The following PCDHGB5 variants were observed in gnomAD, a reference collection of about 807,000 sequenced individuals.
PCDHGB5 encodes protocadherin gamma subfamily B, 5.
PCDHGB5 carries 48 observed loss-of-function variants against 62.9 expected under a neutral mutation model. That is an observed-to-expected ratio of 0.76 (90% CI 0.61 to 0.97). The LOEUF (loss-of-function observed/expected upper bound fraction) is 0.97, where lower values mean the gene tolerates loss of function less well. PCDHGB5 is among the 50% of genes least tolerant of loss of function. The probability of loss-of-function intolerance (pLI) is 0.00; values close to 1 mark genes in which losing one functional copy is unlikely to be tolerated. For missense variants in PCDHGB5, 1,118 were observed against 1,198.6 expected, an observed-to-expected ratio of 0.93 and a Z score of 0.99; for synonymous variants, 474 against 511.2, an observed-to-expected ratio of 0.93 and a Z score of 0.98.
chr5:141,421,424 G>T lies in PCDHGB5; in HGVS notation c.2397+20900G>T, dbSNP rs369037131. 2.2e-5 allele frequency: 35 copies of T among 1,613,974 alleles called. No individual in the cohort carries two copies. The African/African-American group carries it at 3.9e-4, about 18-fold the overall frequency. ...CGGGAGCTGGCGAAGCGCGGAGTCC[G>T]CATCGTCTCCAGAGGGAAGACACAG... is the stretch of plus-strand genomic sequence containing the variant. On this transcript the variant is annotated intron_variant, in intron 1 of 3. Transcript: ENST00000617380.
At chr5:141,419,878 G>A in intron 1 of PCDHGB5, 2 of 1,614,060 alleles carry the variant, frequency 1.2e-6, no homozygotes, top group Non-Finnish European at 1.7e-6. Context: ...AGGTACTGCC[G>A]GATTTCAGCG....
intron 1 of PCDHGB5, chr5:141,412,700 G>C (rs537095191): frequency 6.6e-6 from 1 of 152,574 alleles, no homozygotes; most frequent in South Asian, 2.1e-4. Flanking sequence ...TTTTATTAAA[G>C]TGTGTACATT....
chr5:141,433,582 T>TCCCA (rs758953161), intron 1 of PCDHGB5, among the ~76,000 whole-genome samples: 4 of 151,942 alleles, frequency 2.6e-5, no homozygotes, highest in Non-Finnish European at 5.9e-5. Flanking sequence ...ACGCCTGTAA[T>TCCCA]CCCAGTACTT....
intron 1 of PCDHGB5, among the ~76,000 whole-genome samples, chr5:141,484,072 G>A (rs2099591675): frequency 6.6e-6 from 1 of 152,258 alleles, no homozygotes; most frequent in Admixed American, 6.5e-5. Flanking sequence ...TGAAAAGCTT[G>A]CTCTTTTGAA....
chr5:141,425,979 A>T lies in PCDHGB5; in HGVS notation c.2397+25455A>T, dbSNP rs114212354. ...GTCCAACACATCAGTCTAATTCTGA[A>T]TCCCATTGAATTAGCAAAGGCTTCC... On this transcript the variant is annotated intron_variant, in intron 1 of 3. Coordinates refer to ENST00000617380, the MANE Select transcript of PCDHGB5 (RefSeq NM_018925.3). Among the ~76,000 whole-genome samples, 592 of 152,328 alleles carry T rather than the reference A, an allele frequency of 3.9e-3. 5 individuals carry two copies. Among genetic ancestry groups the T allele is most frequent in the African/African-American group, 0.014 (563 of 41,580 alleles).
chr5:141,476,770 C>T lies in PCDHGB5; in HGVS notation c.2398-18037C>T, dbSNP rs1452363016. 6.2e-7 allele frequency: 1 copy of T among 1,613,568 alleles called. No homozygotes were observed. The highest frequency in any genetic ancestry group is 8.5e-7 in the Non-Finnish European group (1 of 1,180,020). ...TCCAGTTAGTGCTGACGGCGTTGGA[C>T]GGAGGGACCCCAGCTCTCTCCGCCA... On this transcript the variant is annotated intron_variant, in intron 1 of 3. Coordinates refer to ENST00000617380, the MANE Select transcript of PCDHGB5 (RefSeq NM_018925.3). This position sits in a 1 kb window ranked among gnomAD's most constrained non-coding sequence, Gnocchi z 7.6.
intron 1 of PCDHGB5, chr5:141,410,489 G>T (rs1233643247): frequency 1.9e-6 from 3 of 1,613,854 alleles, no homozygotes; most frequent in Non-Finnish European, 1.7e-6. Context: ...GGGTACAAAA[G>T]AGTTTAATTT....
In PCDHGB5 at chr5:141,486,697, C is replaced by T. The variant is rs146956400; in HGVS notation, c.2398-8110C>T. 89 of 1,614,058 alleles carry T rather than the reference C, an allele frequency of 5.5e-5. No homozygotes were observed. Among genetic ancestry groups the T allele is most frequent in the Non-Finnish European group, 7.4e-5 (87 of 1,180,040 alleles). ...GAGATGTATCAGCTTCCTCTTTCAT[C>T]TCTCTGAACCCCCAGACAGGAGCTG... On this transcript the variant is annotated intron_variant, in intron 1 of 3. Coordinates refer to ENST00000617380, the MANE Select transcript of PCDHGB5 (RefSeq NM_018925.3). The surrounding 1 kb of genome is among the most constrained non-coding windows in gnomAD (Gnocchi z 5.0).
chr5:141,445,388 A>G (rs2098465525), intron 1 of PCDHGB5, among the ~76,000 whole-genome samples: 2 of 152,212 alleles, frequency 1.3e-5, no homozygotes, highest in African/African-American at 4.8e-5. Flanking sequence ...TCATTCATTT[A>G]CATAACAAAT....
chr5:141,464,419 A>G (rs2099083824), intron 1 of PCDHGB5, among the ~76,000 whole-genome samples: 1 of 151,768 alleles, frequency 6.6e-6, no homozygotes, highest in South Asian at 2.1e-4. Context: ...ATATATCTAT[A>G]TATATAGATA....
chr5:141,448,915 A>T (rs2098616551), intron 1 of PCDHGB5, among the ~76,000 whole-genome samples: 1 of 152,238 alleles, frequency 6.6e-6, no homozygotes. Context: ...ACTGCACTCC[A>T]GCCTGGGCGA....
At chr5:141,480,059 T>G (rs1169389701) in intron 1 of PCDHGB5, among the ~76,000 whole-genome samples, 1 of 152,096 alleles carries the variant, frequency 6.6e-6, no homozygotes, top group African/African-American at 2.4e-5. Context: ...GAATAATAAG[T>G]GTTTTATAAG....
chr5:141,398,307 G>A lies in PCDHGB5; in HGVS notation c.180G>A (p.Glu60=), dbSNP rs1447377921. 2 of 1,359,764 alleles carry A rather than the reference G, an allele frequency of 1.5e-6. No homozygotes were observed. Among genetic ancestry groups the A allele is most frequent in the South Asian group, 1.3e-5 (1 of 75,602 alleles). 84.2% of individuals were successfully genotyped at this position (1,359,764 alleles called of 1,614,324 possible). ...CGGACCTGGGGTTCAGCGTCCAGGA[G>A]TTACCGACTCGAAAACTGCGCGTCA... ...LATDLGFSVQ[E]LPTRKLRVSS... The change falls in exon 1 of 4, where the codon GAG becomes GAA. Residue 60 remains glutamate (E), a synonymous_variant. Transcript: ENST00000617380.
intron 1 of PCDHGB5, chr5:141,419,231 C>G (rs1309708358): frequency 2.5e-6 from 4 of 1,614,026 alleles, no homozygotes; most frequent in Admixed American, 1.7e-5. Context: ...GTCAGCCTAC[C>G]TGGTCCACGT....
In PCDHGB5 at chr5:141,477,017, A is replaced by G; in HGVS notation, c.2398-17790A>G. 2 of 1,614,220 alleles carry G rather than the reference A, an allele frequency of 1.2e-6. No homozygotes were observed. The highest frequency in any genetic ancestry group is 2.2e-5 in the East Asian group (1 of 44,868). ...GCAACTATTCGCCTTAGACCTTGTA[A>G]CCGGGATGCTGACAATCAAGGGTCG... On this transcript the variant is annotated intron_variant, in intron 1 of 3. Coordinates refer to ENST00000617380, the MANE Select transcript of PCDHGB5 (RefSeq NM_018925.3). This position sits in a 1 kb window ranked among gnomAD's most constrained non-coding sequence, Gnocchi z 4.9.
At chr5:141,505,804 G>A (rs554534524) in intron 3 of PCDHGB5, among the ~76,000 whole-genome samples, 13 of 152,240 alleles carry the variant, frequency 8.5e-5, no homozygotes, top group Admixed American at 3.3e-4. Context: ...GACTTGGATC[G>A]ACTTGCTCAA....
chr5:141,414,473 G>C lies in PCDHGB5; in HGVS notation c.2397+13949G>C, dbSNP rs371832510. 50 of 1,613,790 alleles carry C rather than the reference G, an allele frequency of 3.1e-5. No individual in the cohort carries two copies. The highest frequency in any genetic ancestry group is 4.1e-5 in the Non-Finnish European group (48 of 1,179,892). Reference sequence around the variant, plus strand: ...ACAGTGACAGCCACAGATGGGGGAAGTCCTCCTCTATCAACGGAAGCTCAC... The same window carrying C: ...ACAGTGACAGCCACAGATGGGGGAACTCCTCCTCTATCAACGGAAGCTCAC... On this transcript the variant is annotated intron_variant, in intron 1 of 3. Transcript: ENST00000617380.
chr5:141,427,105 A>C (rs1413188668), intron 1 of PCDHGB5: 1 of 457,776 alleles, frequency 2.2e-6, no homozygotes, highest in Non-Finnish European at 4.4e-6. Flanking sequence ...GTCAATGCGG[A>C]GATCACCTAC....
chr5:141,419,043 A>G (rs1561777660), intron 1 of PCDHGB5: 5 of 1,613,958 alleles, frequency 3.1e-6, no homozygotes. Flanking sequence ...TTTAAGATTC[A>G]TTCTTCTTCT....
Sources: allele counts gnomAD v4.1 joint callset (sites outside exome capture counted in the v4.1 genomes callset), GRCh38; gene constraint gnomAD v4.1.1; non-coding constraint Gnocchi (gnomAD v3.1); transcripts MANE v1.5; gene names NCBI Gene and HGNC (gene_info 2026-07-23, HGNC 2026-07-21).